Variants in DSCAML1 observed in about 807,000 individuals in gnomAD.
The protein encoded by DSCAML1 is DS cell adhesion molecule like 1.
DSCAML1 carries 38 observed loss-of-function variants against 200.5 expected under a neutral mutation model. That is an observed-to-expected ratio of 0.19 (90% CI 0.15 to 0.25). The LOEUF (loss-of-function observed/expected upper bound fraction) is 0.25. Ranked by LOEUF, DSCAML1 falls within the 10% of genes least tolerant of loss-of-function variation. DSCAML1 has a pLI of 1.00. For synonymous variants in DSCAML1, 1,215 were observed against 1,165.0 expected (o/e 1.04, Z -0.87); for missense variants, 2,223 against 2,858.8 (o/e 0.78, Z 5.07).
rs2048007272 is a variant in DSCAML1, at chr11:117,439,841, C to T, written c.3958G>A (p.Ala1320Thr). The change falls in exon 22 of 33, where the codon GCT becomes ACT. Residue 1320 changes from alanine to threonine, a missense_variant. Physicochemically the swap from Ala to Thr is moderately conservative, Grantham distance 58 (BLOSUM62 0). This residue lies in a region of DSCAML1 where 614 missense variants were observed against 739.1 expected (regional missense o/e 0.83). Transcript: ENST00000651296. ...PCNSVGDPAP[A>T]VKWTKDSEDS... ...CACCTGTCCTTGGTCCACTTCACAG[C>T]AGGGGCTGGATCTCCCACTGAATTG... 6.2e-7 allele frequency: 1 copy of T among 1,614,200 alleles called. No homozygotes were observed. The highest frequency in any genetic ancestry group is 2.2e-5 in the East Asian group (1 of 44,882).
chr11:117,505,338 A>G lies in DSCAML1; in HGVS notation c.2062+116T>C, dbSNP rs1239163103. ...GGTTTAGGCTCCAACAGGCCCTTCA[A>G]GATGCTGGAGCCCACCTTCCATGAG... On this transcript the variant is annotated intron_variant, in intron 9 of 32. Transcript: ENST00000651296. This position sits in a 1 kb window ranked among gnomAD's most constrained non-coding sequence, Gnocchi z 6.7. 1.1e-5 allele frequency: 15 copies of G among 1,398,948 alleles called. No homozygotes were observed. Among genetic ancestry groups the G allele is most frequent in the Admixed American group, 2.2e-5 (1 of 46,250 alleles). 86.7% of individuals were successfully genotyped at this position (1,398,948 alleles called of 1,614,324 possible). A position where few individuals can be genotyped will look rare whatever the true frequency, so the allele number is the denominator to read the frequency against.
Position 117,480,810 on chromosome 11 carries a change from A to G in DSCAML1, c.2657-239T>C, listed in dbSNP as rs557875409. On this transcript the variant is annotated intron_variant, in intron 13 of 32. Transcript: ENST00000651296. The surrounding 1 kb of genome is among the most constrained non-coding windows in gnomAD (Gnocchi z 4.1). ...CCTGGGAGAGGGCTGACTCTTCTGC[A>G]GGGATTCCTGTTAGCTGACGGCATT... Among the ~76,000 whole-genome samples, 12 of 152,238 alleles carry G rather than the reference A, an allele frequency of 7.9e-5. No individual in the cohort carries two copies. In the South Asian group the frequency reaches 1.9e-3, roughly 24 times the overall value.
upstream of DSCAML1, among the ~76,000 whole-genome samples, chr11:117,797,537 C>A (rs1009824773): frequency 6.6e-6 from 1 of 152,248 alleles, no homozygotes; most frequent in Non-Finnish European, 1.5e-5. Flanking sequence ...TTTCTACTGG[C>A]CTAAGTCACC....
chr11:117,767,071 T>C (rs562710615), intron 3 of DSCAML1, among the ~76,000 whole-genome samples: 1 of 152,170 alleles, frequency 6.6e-6, no homozygotes, highest in South Asian at 2.1e-4. Flanking sequence ...GCAGATGTGT[T>C]TGGGAGGATT....
intron 3 of DSCAML1, among the ~76,000 whole-genome samples, chr11:117,644,720 C>T (rs1258156719): frequency 6.6e-6 from 1 of 152,246 alleles, no homozygotes; most frequent in South Asian, 2.1e-4. Flanking sequence ...AGGGGACCCC[C>T]CCTCTGGCAA....
chr11:117,670,666 G>C (rs1591383161), intron 3 of DSCAML1, among the ~76,000 whole-genome samples: 1 of 152,144 alleles, frequency 6.6e-6, no homozygotes, highest in Admixed American at 6.5e-5. Flanking sequence ...AACTCCTCCT[G>C]GAGGCATCTG....
At chr11:117,750,043 T>C (rs763803644) in intron 3 of DSCAML1, among the ~76,000 whole-genome samples, 2 of 152,168 alleles carry the variant, frequency 1.3e-5, no homozygotes, top group Non-Finnish European at 2.9e-5. Context: ...CCCTAGAAAT[T>C]GGATGATCCA....
intron 1 of DSCAML1, among the ~76,000 whole-genome samples, chr11:117,809,424 T>C (rs1257281211): frequency 6.6e-6 from 1 of 152,236 alleles, no homozygotes; most frequent in African/African-American, 2.4e-5. Context: ...GATGTGTCTC[T>C]GCGGTCCTCC....
At chr11:117,672,844 G>A (rs1428553617) in intron 3 of DSCAML1, among the ~76,000 whole-genome samples, 1 of 152,184 alleles carries the variant, frequency 6.6e-6, no homozygotes, top group African/African-American at 2.4e-5. Flanking sequence ...TGCCTTTTAT[G>A]CCAAGTAAGG....
intron 3 of DSCAML1, among the ~76,000 whole-genome samples, chr11:117,613,604 G>A (rs2051744429): frequency 6.6e-6 from 1 of 152,184 alleles, no homozygotes; most frequent in Non-Finnish European, 1.5e-5. Flanking sequence ...TTCCATTTCA[G>A]AACAGGATGC....
chr11:117,529,018 T>G (rs187642136), intron 4 of DSCAML1, among the ~76,000 whole-genome samples: 29 of 149,350 alleles, frequency 1.9e-4, no homozygotes, highest in Non-Finnish European at 3.1e-4. Context: ...AGCTACTGTC[T>G]GTCCAGAGCT....
intron 3 of DSCAML1, among the ~76,000 whole-genome samples, chr11:117,730,894 G>C (rs1437690141): frequency 6.6e-6 from 1 of 152,140 alleles, no homozygotes; most frequent in Non-Finnish European, 1.5e-5. Flanking sequence ...AGTGAAAAAA[G>C]CCGGACACAA....
At chr11:117,804,022 T>C (rs2055686418) in intron 1 of DSCAML1, among the ~76,000 whole-genome samples, 1 of 152,114 alleles carries the variant, frequency 6.6e-6, no homozygotes, top group African/African-American at 2.4e-5. Flanking sequence ...CCACCAGCAT[T>C]GTGGACCGAG....
intron 11 of DSCAML1, among the ~76,000 whole-genome samples, chr11:117,484,961 C>A (rs2049014045): frequency 6.9e-6 from 1 of 144,824 alleles, no homozygotes; most frequent in Non-Finnish European, 1.5e-5. Flanking sequence ...CTGGGAGGGT[C>A]TTTCTTTGGT....
chr11:117,575,220 T>G (rs112521106), intron 3 of DSCAML1, among the ~76,000 whole-genome samples: 1 of 152,260 alleles, frequency 6.6e-6, no homozygotes, highest in South Asian at 2.1e-4. Context: ...AGAAGTCCTG[T>G]GTCCTGAGAA....
intron 16 of DSCAML1, among the ~76,000 whole-genome samples, chr11:117,465,766 A>C (rs2048568485): frequency 6.6e-6 from 1 of 152,042 alleles, no homozygotes. Flanking sequence ...GAATGAATGA[A>C]TGAATGAATG....
rs963473377 is a variant in DSCAML1 at position 117,469,743 on chromosome 11, T to C, written c.3024+167A>G. Among the ~76,000 whole-genome samples, 2 of 152,122 alleles carry C rather than the reference T, an allele frequency of 1.3e-5. No individual in the cohort carries two copies. Among genetic ancestry groups the C allele is most frequent in the Non-Finnish European group, 2.9e-5 (2 of 68,016 alleles). On this transcript the variant is annotated intron_variant, in intron 16 of 32. Coordinates refer to ENST00000651296, the MANE Select transcript of DSCAML1 (RefSeq NM_020693.4). This position sits in a 1 kb window ranked among gnomAD's most constrained non-coding sequence, Gnocchi z 4.1. ...TTATTGTGCTGGAGGGACCTGCCTT[T>C]GCCTCCCTCTCCTTCCATCTCTCAA...
At chr11:117,713,180 T>G (rs747205863) in intron 3 of DSCAML1, among the ~76,000 whole-genome samples, 10 of 152,106 alleles carry the variant, frequency 6.6e-5, no homozygotes, top group Non-Finnish European at 1.5e-4. Flanking sequence ...CACTGCGACC[T>G]CCACCTTCTG....
rs148144440 is a variant in DSCAML1, at chr11:117,453,333, A to G, written c.3569-2645T>C. ...AGATTTACCCATACATTCAGCATTT[A>G]ATTGCTCTGCCTTTACTCGTTGCAT... is the stretch of plus-strand genomic sequence containing the variant. On this transcript the variant is annotated intron_variant, in intron 19 of 32. Coordinates refer to ENST00000651296, the MANE Select transcript of DSCAML1 (RefSeq NM_020693.4). Among the ~76,000 whole-genome samples, 151 of 152,306 alleles carry G rather than the reference A, an allele frequency of 9.9e-4. 5 individuals carry two copies. In the East Asian group the frequency reaches 0.024, roughly 24 times the overall value.
Sources: allele counts gnomAD v4.1 joint callset (sites outside exome capture counted in the v4.1 genomes callset), GRCh38; gene constraint gnomAD v4.1.1; regional missense constraint gnomAD v4.1.1; non-coding constraint Gnocchi (gnomAD v3.1); transcripts MANE v1.5; gene names NCBI Gene and HGNC (gene_info 2026-07-23, HGNC 2026-07-21).